Variants in DCLK1 observed in about 807,000 individuals in gnomAD.
DCLK1 encodes doublecortin like kinase 1, also known as serine/threonine-protein kinase DCLK1.
DCLK1 carries 16 observed loss-of-function variants against 86.2 expected under a neutral mutation model. The ratio of observed to expected loss-of-function variants is 0.19; its 90% CI spans 0.13 to 0.28. The LOEUF is 0.28. Among genes scored for constraint, DCLK1 ranks in the 10% least tolerant of loss-of-function variants. DCLK1 has a pLI of 1.00. For missense variants in DCLK1, 590 were observed against 940.2 expected (o/e 0.63, Z 4.87); for synonymous variants, 369 against 370.5 (o/e 1.00, Z 0.05).
intron 2 of DCLK1, among the ~76,000 whole-genome samples, chr13:36,122,150 G>A (rs531127832): frequency 2.0e-5 from 3 of 152,130 alleles, no homozygotes; most frequent in Non-Finnish European, 2.9e-5. Context: ...AGGAAAAGAT[G>A]GGTAACCCAG....
chr13:35,982,651 T>C (rs1384651086), intron 3 of DCLK1, among the ~76,000 whole-genome samples: 1 of 152,200 alleles, frequency 6.6e-6, no homozygotes, highest in Non-Finnish European at 1.5e-5. Context: ...AATCTTTGGA[T>C]TTGGAATACA....
At chr13:36,045,259 A>C (rs976224698) in intron 3 of DCLK1, among the ~76,000 whole-genome samples, 10 of 101,860 alleles carry the variant, frequency 9.8e-5, no homozygotes, top group Non-Finnish European at 1.6e-4. Flanking sequence ...TCCATCTTCT[A>C]TATATATATA....
At chr13:36,006,862 T>G (rs1373045883) in intron 3 of DCLK1, among the ~76,000 whole-genome samples, 2 of 152,224 alleles carry the variant, frequency 1.3e-5, no homozygotes, top group African/African-American at 4.8e-5. Flanking sequence ...ACTATGATAT[T>G]ACTATGAGAA....
At chr13:36,119,356 A>T (rs189795089) in intron 2 of DCLK1, among the ~76,000 whole-genome samples, 209 of 152,328 alleles carry the variant, frequency 1.4e-3, no homozygotes, top group African/African-American at 4.6e-3. Context: ...GAGGGAAAAG[A>T]AAATCACCAT....
intron 10 of DCLK1, among the ~76,000 whole-genome samples, chr13:35,824,932 T>A (rs1279550756): frequency 4.6e-5 from 7 of 152,054 alleles, no homozygotes; most frequent in Non-Finnish European, 5.9e-5. Flanking sequence ...TCCTGAAGTG[T>A]CCCATCCCCT....
chr13:36,129,101 G>A (rs1485336997), intron 1 of DCLK1, among the ~76,000 whole-genome samples: 2 of 152,108 alleles, frequency 1.3e-5, no homozygotes, highest in Admixed American at 1.3e-4. Context: ...AGGAGTTTGG[G>A]GATTTCCTTC....
chr13:36,007,474 T>C (rs887482567), intron 3 of DCLK1, among the ~76,000 whole-genome samples: 1 of 152,168 alleles, frequency 6.6e-6, no homozygotes. Flanking sequence ...TCCGCCAAAT[T>C]CCCTTGGAGA....
At chr13:36,079,355 C>T (rs1197761480) in intron 3 of DCLK1, among the ~76,000 whole-genome samples, 1 of 152,142 alleles carries the variant, frequency 6.6e-6, no homozygotes, top group Non-Finnish European at 1.5e-5. Flanking sequence ...CTCTGCTGGA[C>T]ACGGTAGCTC....
At position 35,769,761 on chromosome 13, in the gene DCLK1, C is replaced by T. The variant is rs927634366; in HGVS notation, c.*4774G>A. On this transcript the variant is annotated 3_prime_UTR_variant, in exon 17 of 17. Coordinates refer to ENST00000360631, the MANE Select transcript of DCLK1 (RefSeq NM_001330071.2). ...ATCACAGACAAAATATTCAATTTTA[C>T]ATTAAAGCAACATTAAGGGTCTCAA... is the stretch of plus-strand genomic sequence containing the variant. 6.6e-6 allele frequency: 1 copy of T among 152,164 alleles called. No individual in the cohort carries two copies. Among genetic ancestry groups the T allele is most frequent in the Non-Finnish European group, 1.5e-5 (1 of 68,026 alleles). 9.4% of individuals were successfully genotyped at this position (152,164 alleles called of 1,614,324 possible). A position where few individuals can be genotyped will look rare whatever the true frequency, so the allele number is the denominator to read the frequency against.
intron 4 of DCLK1, among the ~76,000 whole-genome samples, chr13:35,899,931 G>T (rs972555704): frequency 2.3e-4 from 35 of 152,116 alleles, no homozygotes; most frequent in African/African-American, 8.0e-4. Context: ...GTTAAAAAAT[G>T]AACATATATT....
intron 4 of DCLK1, among the ~76,000 whole-genome samples, chr13:35,936,407 C>A (rs1162699349): frequency 6.6e-6 from 1 of 152,130 alleles, no homozygotes; most frequent in Non-Finnish European, 1.5e-5. Context: ...AATGTCAAAG[C>A]AGATATAAAC....
At chr13:35,903,009 G>T (rs983243551) in intron 4 of DCLK1, among the ~76,000 whole-genome samples, 1 of 151,844 alleles carries the variant, frequency 6.6e-6, no homozygotes, top group Non-Finnish European at 1.5e-5. Context: ...CATACACCAG[G>T]TTTCATTTCA....
intron 3 of DCLK1, among the ~76,000 whole-genome samples, chr13:35,989,850 C>G (rs1332735447): frequency 6.6e-6 from 1 of 151,916 alleles, no homozygotes; most frequent in East Asian, 1.9e-4. Flanking sequence ...CCACATCCAG[C>G]AAAACATCAC....
At chr13:36,038,667 A>G (rs554785111) in intron 3 of DCLK1, among the ~76,000 whole-genome samples, 107 of 152,300 alleles carry the variant, frequency 7.0e-4, no homozygotes, top group Non-Finnish European at 1.0e-3. Flanking sequence ...CATGTCTTCC[A>G]TAAATGCCAG....
chr13:36,008,301 C>A (rs1187945943), intron 3 of DCLK1, among the ~76,000 whole-genome samples: 2 of 114,760 alleles, frequency 1.7e-5, no homozygotes, highest in African/African-American at 6.9e-5. Flanking sequence ...TATACATGTG[C>A]CATGCTGGTG....
At chr13:35,838,065 C>CAAAAAAAAAAAAAAAAAAAAAAA (rs748395648) in intron 7 of DCLK1, among the ~76,000 whole-genome samples, 5 of 100,348 alleles carry the variant, frequency 5.0e-5, no homozygotes, top group East Asian at 5.6e-4. Flanking sequence ...GACTCCATCT[C>CAAAAAAAAAAAAAAAAAAAAAAA]AAAAAAAAAA....
At chr13:35,923,802 G>A (rs1875945351) in intron 4 of DCLK1, among the ~76,000 whole-genome samples, 1 of 152,130 alleles carries the variant, frequency 6.6e-6, no homozygotes, top group South Asian at 2.1e-4. Context: ...GAATGCCCTT[G>A]AAGGACAGAA....
intron 16 of DCLK1, among the ~76,000 whole-genome samples, chr13:35,778,813 A>G (rs1390154931): frequency 6.6e-6 from 1 of 152,158 alleles, no homozygotes; most frequent in African/African-American, 2.4e-5. Context: ...TCAACCTGTG[A>G]ATCTTTCAGG....
chr13:35,879,918 C>G (rs1469280930), intron 4 of DCLK1, among the ~76,000 whole-genome samples: 1 of 152,162 alleles, frequency 6.6e-6, no homozygotes, highest in Non-Finnish European at 1.5e-5. Context: ...CCAAAAACGT[C>G]CCCACACATT....
Sources: allele counts gnomAD v4.1 joint callset (sites outside exome capture counted in the v4.1 genomes callset), GRCh38; gene constraint gnomAD v4.1.1; transcripts MANE v1.5; gene names NCBI Gene and HGNC (gene_info 2026-07-23, HGNC 2026-07-21).